TRIM43B: variants seen among roughly 807,000 people sequenced by gnomAD.
TRIM43B encodes the protein tripartite motif containing 43B, also known as tripartite motif-containing protein 43B.
A neutral mutation model predicts 27.0 loss-of-function variants in TRIM43B; 15 were observed. The ratio of observed to expected loss-of-function variants is 0.55; its 90% confidence interval spans 0.37 to 0.85. TRIM43B has a LOEUF of 0.85. Ranked by LOEUF, TRIM43B falls within the 40% of genes least tolerant of loss-of-function variation. The pLI, the probability that TRIM43B is intolerant of heterozygous loss-of-function variation, is 0.00. For missense variants in TRIM43B, 172 were observed against 289.8 expected (o/e 0.59, Z 2.95); for synonymous variants, 69 against 97.8 (o/e 0.71, Z 1.74).
rs1683497115 is a variant in TRIM43B, at chr2:95,480,296, C to T, written c.738+9G>A. 1.3e-6 allele frequency: 2 copies of T among 1,596,078 alleles called. No individual in the cohort carries two copies. On this transcript the variant is annotated intron_variant, in intron 4 of 6. Coordinates refer to ENST00000639673, the Ensembl canonical transcript of TRIM43B. ...ACAAAGTGTCTCAAGGGGCATCCTCCATTCTTACCTGGAGCAGCTCCACCT... is the reference window on the plus strand; with the variant it reads ...ACAAAGTGTCTCAAGGGGCATCCTCTATTCTTACCTGGAGCAGCTCCACCT...
intron 4 of TRIM43B, among the ~76,000 whole-genome samples, chr2:95,479,932 TGA>T (rs1463739393): frequency 1.3e-5 from 1 of 76,060 alleles, no homozygotes; most frequent in Non-Finnish European, 2.6e-5. Context: ...TAAATTTGAG[TGA>T]GAGAGAAAGG....
intron 1 of TRIM43B, among the ~76,000 whole-genome samples, chr2:95,483,745 G>C (rs1362666553): frequency 6.6e-6 from 1 of 151,828 alleles, no homozygotes; most frequent in Non-Finnish European, 1.5e-5. Context: ...GGAGAATGGC[G>C]TGAACCCGGG....
At chr2:95,480,613 A>G in intron 3 of TRIM43B, 78 bp from the exon 4 acceptor site, 1 of 1,538,020 alleles carries the variant, frequency 6.5e-7, no homozygotes, top group South Asian at 1.2e-5. Flanking sequence ...CATCCTCCTC[A>G]TTCCTTCTTT....
exon 2 of TRIM43B, chr2:95,482,504 T>C: frequency 6.2e-7 from 1 of 1,607,902 alleles, no homozygotes; most frequent in Non-Finnish European, 8.5e-7. Context: ...ACTAAATTCT[T>C]CAGAAGAATA....
At chr2:95,482,663 A>T in exon 2 of TRIM43B, 1 of 1,613,902 alleles carries the variant, frequency 6.2e-7, no homozygotes, top group East Asian at 2.2e-5. Context: ...TAGTTCAAAC[A>T]GATGACACAG....
At chr2:95,481,200 T>C (rs1283424355) in intron 3 of TRIM43B, among the ~76,000 whole-genome samples, 4 of 152,076 alleles carry the variant, frequency 2.6e-5, no homozygotes, top group Admixed American at 6.6e-5. Context: ...TGCTACCAGA[T>C]TTCACCAGCA....
At chr2:95,480,836 T>G (rs1683509518) in intron 3 of TRIM43B, among the ~76,000 whole-genome samples, 1 of 152,146 alleles carries the variant, frequency 6.6e-6, no homozygotes, top group South Asian at 2.1e-4. Flanking sequence ...TCACTTAGGT[T>G]GTTGTTTCAA....
At chr2:95,483,834 A>G (rs1253027616) in intron 1 of TRIM43B, among the ~76,000 whole-genome samples, 1 of 151,900 alleles carries the variant, frequency 6.6e-6, no homozygotes, top group Non-Finnish European at 1.5e-5. Flanking sequence ...TCTCCCCCCC[A>G]AAACAAAAAC....
intron 1 of TRIM43B, among the ~76,000 whole-genome samples, chr2:95,483,745 G>A (rs1362666553): frequency 1.3e-5 from 2 of 151,828 alleles, no homozygotes; most frequent in African/African-American, 2.4e-5. Context: ...GGAGAATGGC[G>A]TGAACCCGGG....
chr2:95,481,243 G>T (rs993063517), intron 3 of TRIM43B, among the ~76,000 whole-genome samples: 1 of 152,012 alleles, frequency 6.6e-6, no homozygotes, highest in East Asian at 1.9e-4. Context: ...GTTCCCACCC[G>T]ATTTCTTCCC....
intron 3 of TRIM43B, among the ~76,000 whole-genome samples, 167 bp downstream of exon 3, chr2:95,481,428 A>G (rs1338149371): frequency 2.0e-5 from 3 of 152,166 alleles, no homozygotes; most frequent in African/African-American, 7.2e-5. Flanking sequence ...AAGCATTTAC[A>G]GAAAACCTGA....
chr2:95,483,567 C>G (rs546516781), intron 1 of TRIM43B, among the ~76,000 whole-genome samples: 1 of 151,438 alleles, frequency 6.6e-6, no homozygotes, highest in African/African-American at 2.4e-5. Context: ...GCCTGTAATC[C>G]GAGCACTTTG....
chr2:95,482,832 G>A (rs1683559376), intron 1 of TRIM43B, 114 bp from the exon 2 acceptor site: 1 of 1,520,924 alleles, frequency 6.6e-7, no homozygotes, highest in Admixed American at 2.3e-5. Flanking sequence ...AAGAAGTATA[G>A]GTTTTAATTT....
chr2:95,480,747 C>T (rs534954789), intron 3 of TRIM43B, among the ~76,000 whole-genome samples: 29 of 152,102 alleles, frequency 1.9e-4, no homozygotes, highest in Non-Finnish European at 3.8e-4. Flanking sequence ...TAAATCAAAT[C>T]GGAAATACAA....
At chr2:95,482,948 T>C (rs990158110) in intron 1 of TRIM43B, among the ~76,000 whole-genome samples, 5 of 152,150 alleles carry the variant, frequency 3.3e-5, no homozygotes, top group Admixed American at 6.6e-5. Flanking sequence ...TTCCAAACTC[T>C]ACTTTCTTGC....
chr2:95,482,023 A>T (rs1374791960), intron 2 of TRIM43B, among the ~76,000 whole-genome samples: 4 of 151,368 alleles, frequency 2.6e-5, no homozygotes, highest in Non-Finnish European at 5.9e-5. Context: ...TTTCCAAAAT[A>T]CCTTTCTTTG....
At chr2:95,482,605 G>A (rs752607296) in exon 2 of TRIM43B, 2 of 1,613,462 alleles carry the variant, frequency 1.2e-6, no homozygotes. Context: ...GCAGAGACAG[G>A]GCCTACAGAA....
At chr2:95,483,617 C>G (rs1330538930) in intron 1 of TRIM43B, among the ~76,000 whole-genome samples, 4 of 150,842 alleles carry the variant, frequency 2.7e-5, no homozygotes, top group Non-Finnish European at 5.9e-5. Context: ...CACGATGTCA[C>G]GAGATCAAGA....
At chr2:95,480,163 T>C (rs1683494401) in intron 4 of TRIM43B, 142 bp downstream of exon 4, 3 of 1,200,864 alleles carry the variant, frequency 2.5e-6, no homozygotes, top group South Asian at 3.3e-5. Context: ...GTAGGAGTTA[T>C]AGTTTATCTC....
Sources: gnomAD v4.1 joint callset for allele counts (sites outside exome capture counted in the v4.1 genomes callset) on GRCh38, gnomAD v4.1.1 for gene constraint, MANE v1.5 for transcripts, NCBI Gene and HGNC (gene_info 2026-07-23, HGNC 2026-07-21) for gene names.